The following EOGT variants were observed in gnomAD, a reference collection of about 807,000 sequenced individuals.
EOGT encodes EGF domain specific O-linked N-acetylglucosamine transferase.
EOGT carries 55 observed loss-of-function variants against 70.5 expected under a neutral mutation model. The observed-to-expected ratio is 0.78, with a 90% CI of 0.63 to 0.98. The LOEUF is 0.98. Ranked by LOEUF, EOGT falls within the 50% of genes least tolerant of loss-of-function variation. The pLI is 0.00. For synonymous variants in EOGT, 246 were observed against 217.1 expected, an observed-to-expected ratio of 1.13 and a Z score of -1.17; for missense variants, 703 against 641.9, an observed-to-expected ratio of 1.10 and a Z score of -1.03.
intron 15 of EOGT, among the ~76,000 whole-genome samples, chr3:68,981,862 T>C (rs1559587131): frequency 6.6e-6 from 1 of 152,090 alleles, no homozygotes; most frequent in African/African-American, 2.4e-5. Flanking sequence ...GATAATGTTA[T>C]CAAATATTTG....
At chr3:69,007,908 G>T (rs2091480314) in intron 5 of EOGT, 87 bp from the exon 6 acceptor site, 3 of 858,294 alleles carry the variant, frequency 3.5e-6, no homozygotes, top group Non-Finnish European at 1.8e-6. Flanking sequence ...AATGCTAGAG[G>T]TTCCTTATTA....
At chr3:68,984,205 C>CCTCT (rs61194778) in intron 14 of EOGT, among the ~76,000 whole-genome samples, 39 of 149,800 alleles carry the variant, frequency 2.6e-4, no homozygotes, top group African/African-American at 6.4e-4. Flanking sequence ...AATCCCCTCC[C>CCTCT]CTCTCTCTCT....
At chr3:68,998,514 A>G (rs1269920222) in intron 9 of EOGT, among the ~76,000 whole-genome samples, 1 of 152,192 alleles carries the variant, frequency 6.6e-6, no homozygotes, top group African/African-American at 2.4e-5. Context: ...GGGTCTTGCT[A>G]TGGTGGCATG....
At chr3:68,994,657 T>C (rs572251145) in intron 10 of EOGT, among the ~76,000 whole-genome samples, 45 of 151,950 alleles carry the variant, frequency 3.0e-4, no homozygotes, top group African/African-American at 1.1e-3. Context: ...CCAGGTGTGA[T>C]AGCACACACT....
In EOGT at chr3:69,007,698, G is replaced by A. The variant is rs2091472857; in HGVS notation, c.420+15C>T. 3 of 1,489,240 alleles carry A rather than the reference G, an allele frequency of 2.0e-6. No homozygotes were observed. Among genetic ancestry groups the A allele is most frequent in the South Asian group, 2.4e-5 (2 of 83,610 alleles). The allele number at this position is 1,489,240 out of a possible 1,614,324, so 92.3% of individuals were successfully genotyped here. ...TAAATAAACAAGTTTATTTAGTAAGGAGCAAAATACCCACCGTTTCCTTAG... is the reference window on the plus strand; with the variant it reads ...TAAATAAACAAGTTTATTTAGTAAGAAGCAAAATACCCACCGTTTCCTTAG... On this transcript the variant is annotated intron_variant, in intron 6 of 17. Coordinates refer to ENST00000383701, the MANE Select transcript of EOGT (RefSeq NM_001278689.2).
intron 14 of EOGT, among the ~76,000 whole-genome samples, chr3:68,985,323 C>A (rs1488146517): frequency 6.6e-6 from 1 of 152,154 alleles, no homozygotes; most frequent in East Asian, 1.9e-4. Flanking sequence ...CCTCATTATG[C>A]CATATGTTCA....
Position 69,005,460 on chromosome 3 carries a change from A to G in EOGT, c.421-226T>C, listed in dbSNP as rs6549170. Among the ~76,000 whole-genome samples the G allele has an allele frequency of 0.33, 50,167 of 151,924 alleles. 8,658 individuals carry two copies. Among genetic ancestry groups the G allele is most frequent in the East Asian group, 0.52 (2,676 of 5,146 alleles). On this transcript the variant is annotated intron_variant, in intron 6 of 17. Transcript: ENST00000383701. ...TTTCCCACTTTTAAGTTACCATGGA[A>G]AACTCCCCAACGATCTGTCACCTCA... is the stretch of plus-strand genomic sequence containing the variant.
chr3:68,989,045 A>C lies in EOGT; in HGVS notation c.832-28T>G. The C allele has an allele frequency of 2.2e-6, 3 of 1,336,752 alleles. No individual in the cohort carries two copies. In the East Asian group the frequency reaches 7.6e-5, roughly 34 times the overall value. 82.8% of individuals were successfully genotyped at this position (1,336,752 alleles called of 1,614,324 possible). ...GAAAGTAGAAACAAAACAAGGTTTT[A>C]GGGCAATAAAAGGATATAACATGAC... On this transcript the variant is annotated intron_variant, in intron 10 of 17. Transcript: ENST00000383701.
intron 2 of EOGT, among the ~76,000 whole-genome samples, 152 bp from the exon 3 acceptor site, chr3:69,012,143 T>A (rs1168810098): frequency 6.6e-6 from 1 of 152,188 alleles, no homozygotes; most frequent in African/African-American, 2.4e-5. Context: ...CGCTTTCTTT[T>A]CCTTAATGAA....
intron 6 of EOGT, among the ~76,000 whole-genome samples, chr3:69,006,641 A>C (rs1363789154): frequency 6.6e-6 from 1 of 152,200 alleles, no homozygotes; most frequent in Admixed American, 6.5e-5. Context: ...CATAATGGGC[A>C]TGGCTTTAAG....
intron 14 of EOGT, among the ~76,000 whole-genome samples, chr3:68,984,654 A>C (rs1246473683): frequency 6.6e-6 from 1 of 152,150 alleles, no homozygotes; most frequent in African/African-American, 2.4e-5. Flanking sequence ...AGAAGCAGCC[A>C]GTTGGGTGCT....
At chr3:68,985,842 A>G (rs1343642416) in intron 14 of EOGT, among the ~76,000 whole-genome samples, 3 of 152,196 alleles carry the variant, frequency 2.0e-5, no homozygotes, top group Non-Finnish European at 4.4e-5. Flanking sequence ...TTATCCCCTT[A>G]CAGTTCTGCA....
intron 10 of EOGT, among the ~76,000 whole-genome samples, chr3:68,996,327 G>T (rs1030065459): frequency 1.3e-5 from 2 of 152,086 alleles, no homozygotes; most frequent in African/African-American, 4.8e-5. Context: ...TGAAATTAAG[G>T]GTCGGCAAAA....
In EOGT at chr3:68,987,492, T is replaced by G; in HGVS notation, c.1105A>C (p.Ile369Leu). Reference sequence around the variant, plus strand: ...CGGTATTCTGTGCTCCGTGCAAGAATGGTGACTCGAATTTTTCCATCCTGT... The same window carrying G: ...CGGTATTCTGTGCTCCGTGCAAGAAGGGTGACTCGAATTTTTCCATCCTGT... ...GPKDGKIRVT[I>L]LARSTEYRKI... Residue 369 changes from isoleucine (I) to leucine (L), a missense_variant, in exon 14 of 18, where the codon ATT (isoleucine) becomes CTT (leucine). Physicochemically the swap from Ile to Leu is conservative, Grantham distance 5. Transcript: ENST00000383701. The G allele has an allele frequency of 6.2e-7, 1 of 1,613,898 alleles. No homozygotes were observed.
chr3:68,999,003 T>C (rs1333164020), intron 9 of EOGT, among the ~76,000 whole-genome samples: 1 of 152,100 alleles, frequency 6.6e-6, no homozygotes, highest in Non-Finnish European at 1.5e-5. Flanking sequence ...TAACCAACTA[T>C]CATATAAAAG....
At chr3:68,990,856 GCACATATTACAGTTATTT>G (rs2090974510) in intron 10 of EOGT, among the ~76,000 whole-genome samples, 1 of 147,772 alleles carries the variant, frequency 6.8e-6, no homozygotes, top group African/African-American at 2.5e-5. Context: ...ATTTTATGTT[GCACATATTACAGTTATTT>G]CAAAGTTATT....
At chr3:68,987,714 G>A (rs2090855991) in intron 13 of EOGT, 2 of 582,006 alleles carry the variant, frequency 3.4e-6, no homozygotes, top group South Asian at 4.3e-5. Context: ...GCAAAAACCA[G>A]CTCATTACAT....
chr3:69,009,598 C>T, intron 4 of EOGT, 39 bp downstream of exon 4: 1 of 1,514,172 alleles, frequency 6.6e-7, no homozygotes, highest in African/African-American at 1.4e-5. Flanking sequence ...GCTGAAATTG[C>T]ATCCTCATAA....
chr3:69,011,729 T>A (rs2091583763), intron 3 of EOGT, among the ~76,000 whole-genome samples: 2 of 152,126 alleles, frequency 1.3e-5, no homozygotes, highest in African/African-American at 2.4e-5. Context: ...TTTCCCCCAT[T>A]TTCCCCCCTT....
Sources: gnomAD v4.1 joint callset for allele counts (sites outside exome capture counted in the v4.1 genomes callset) on GRCh38, gnomAD v4.1.1 for gene constraint, MANE v1.5 for transcripts, NCBI Gene and HGNC (gene_info 2026-07-23, HGNC 2026-07-21) for gene names.